The following TTLL9 variants were observed in gnomAD, a reference collection of about 807,000 sequenced individuals.
TTLL9 encodes the protein probable tubulin polyglutamylase TTLL9.
Under a neutral mutation model 65.6 loss-of-function variants are expected in TTLL9, and 47 were observed. The observed-to-expected ratio is 0.72, with a 90% confidence interval of 0.57 to 0.91. The LOEUF is 0.91. Among genes scored for constraint, TTLL9 ranks in the 40% least tolerant of loss-of-function variants. The pLI is 0.00. For synonymous variants in TTLL9, 179 were observed against 204.8 expected, an observed-to-expected ratio of 0.87 and a Z score of 1.07; for missense variants, 537 against 568.8, an observed-to-expected ratio of 0.94 and a Z score of 0.57.
At chr20:31,903,558 G>T (rs1057208241) in intron 4 of TTLL9, among the ~76,000 whole-genome samples, 2 of 152,024 alleles carry the variant, frequency 1.3e-5, no homozygotes, top group African/African-American at 4.8e-5. Context: ...CTAATCCAAG[G>T]TCACAAAGAT....
chr20:31,930,355 G>A (rs1362617546), intron 10 of TTLL9, among the ~76,000 whole-genome samples: 3 of 152,128 alleles, frequency 2.0e-5, no homozygotes, highest in Non-Finnish European at 4.4e-5. Flanking sequence ...GACTTGATGA[G>A]GGAGCAGAAT....
chr20:31,919,812 C>T (rs1462900785), intron 6 of TTLL9, 52 bp from the exon 7 acceptor site: 4 of 1,465,988 alleles, frequency 2.7e-6, no homozygotes, highest in African/African-American at 2.9e-5. Context: ...CGGGGGCCAA[C>T]AAGGAACCAC....
chr20:31,870,680 C>T lies in TTLL9; in HGVS notation c.-275C>T. 9.6e-7 allele frequency: 1 copy of T among 1,038,224 alleles called. No individual in the cohort carries two copies. 64.3% of individuals were successfully genotyped at this position (1,038,224 alleles called of 1,614,324 possible). A position where few individuals can be genotyped will look rare whatever the true frequency, so the allele number is the denominator to read the frequency against. On this transcript the variant is annotated 5_prime_UTR_variant, in exon 1 of 15. Transcript: ENST00000535842. This position sits in a 1 kb window ranked among gnomAD's most constrained non-coding sequence, Gnocchi z 6.6. The stretch of plus-strand genomic sequence containing the variant: ...GCGGGACAACGGCAGTTTGTTGGGG[C>T]CGCGTGGGGCCGCCACCTCCGGAGG...
At chr20:31,933,932 C>T in intron 11 of TTLL9, 74 bp downstream of exon 11, 1 of 1,469,080 alleles carries the variant, frequency 6.8e-7, no homozygotes, top group Non-Finnish European at 9.2e-7. Flanking sequence ...GGTGGAGTGG[C>T]AAGGAGCCCA....
intron 2 of TTLL9, among the ~76,000 whole-genome samples, chr20:31,886,601 C>T (rs1313044447): frequency 1.4e-4 from 21 of 152,104 alleles, no homozygotes; most frequent in Admixed American, 1.4e-3. Flanking sequence ...GGGTGGATCA[C>T]CTGAGGTCAG....
chr20:31,926,806 A>C (rs1192039148), intron 10 of TTLL9, among the ~76,000 whole-genome samples: 1 of 152,196 alleles, frequency 6.6e-6, no homozygotes, highest in Non-Finnish European at 1.5e-5. Flanking sequence ...GTTCTCGTTC[A>C]TGTTAAAAAT....
At chr20:31,913,356 G>A (rs113004602) in intron 6 of TTLL9, among the ~76,000 whole-genome samples, 2 of 152,042 alleles carry the variant, frequency 1.3e-5, no homozygotes, top group Non-Finnish European at 2.9e-5. Context: ...TATTAGTTCC[G>A]GGACCTTATT....
In TTLL9 at chr20:31,893,764, T is replaced by C. The variant is rs148393699; in HGVS notation, c.114-4709T>C. 2.3e-3 allele frequency among the ~76,000 whole-genome samples: 351 copies of C among 152,196 alleles called. 2 individuals carry two copies. Among genetic ancestry groups the C allele is most frequent in the Non-Finnish European group, 4.0e-3 (273 of 68,010 alleles). On this transcript the variant is annotated intron_variant, in intron 3 of 14. Coordinates refer to ENST00000535842, the MANE Select transcript of TTLL9 (RefSeq NM_001008409.5). ...TTGTGTCTGTCTTGCTTGGGGTTAA[T>C]TGAGCATCTTGGATCTGTGAGTTGA...
At chr20:31,904,696 A>G (rs2063526373) in intron 4 of TTLL9, among the ~76,000 whole-genome samples, 1 of 152,088 alleles carries the variant, frequency 6.6e-6, no homozygotes, top group Admixed American at 6.5e-5. Context: ...TATTATTACA[A>G]TAATTGCAAA....
chr20:31,907,721 G>A (rs1391178500), intron 4 of TTLL9, among the ~76,000 whole-genome samples: 25 of 143,538 alleles, frequency 1.7e-4, no homozygotes, highest in African/African-American at 2.3e-4. Context: ...ACACCGTCTC[G>A]AAAAAAGAAA....
At chr20:31,925,108 G>A in intron 9 of TTLL9, 59 bp downstream of exon 9, 1 of 1,581,698 alleles carries the variant, frequency 6.3e-7, no homozygotes, top group Non-Finnish European at 8.7e-7. Context: ...CTGGGCTAGG[G>A]AGATGGGGGG....
At chr20:31,923,484 G>A (rs1249354567) in intron 8 of TTLL9, among the ~76,000 whole-genome samples, 3 of 152,198 alleles carry the variant, frequency 2.0e-5, no homozygotes, top group Non-Finnish European at 4.4e-5. Context: ...GTCAAGCAGG[G>A]CAATGGGACA....
At chr20:31,924,249 C>T (rs917918417) in intron 8 of TTLL9, among the ~76,000 whole-genome samples, 5 of 152,168 alleles carry the variant, frequency 3.3e-5, no homozygotes, top group Admixed American at 1.3e-4. Flanking sequence ...TCCACCCCAA[C>T]GTGGCAGCCA....
chr20:31,885,261 G>T (rs1013902021), intron 2 of TTLL9, among the ~76,000 whole-genome samples: 6 of 152,100 alleles, frequency 3.9e-5, no homozygotes, highest in African/African-American at 1.4e-4. Flanking sequence ...CTTGAAATCA[G>T]AATTTACTCT....
At chr20:31,904,327 GGTTC>G (rs904542467) in intron 4 of TTLL9, among the ~76,000 whole-genome samples, 3 of 148,662 alleles carry the variant, frequency 2.0e-5, no homozygotes, top group Admixed American at 2.0e-4. Context: ...TTCACACAAT[GGTTC>G]TAGCATTTTT....
chr20:31,935,918 C>T (rs750110620), intron 12 of TTLL9, among the ~76,000 whole-genome samples: 13 of 152,206 alleles, frequency 8.5e-5, no homozygotes, highest in Admixed American at 5.2e-4. Context: ...TGTGCCCCTC[C>T]GTATGGGCAA....
Position 31,932,087 on chromosome 20 carries a change from C to T in TTLL9, c.749-1713C>T, listed in dbSNP as rs1384859342. ...GGTGCAGTGGCTTATGCCTGTAATC[C>T]CAGCACTTTGGCAGGCCAAGGCAGG... On this transcript the variant is annotated intron_variant, in intron 10 of 14. Transcript: ENST00000535842. 2.0e-5 allele frequency among the ~76,000 whole-genome samples: 3 copies of T among 152,146 alleles called. No individual in the cohort carries two copies. In the South Asian group the frequency reaches 6.2e-4, roughly 31 times the overall value.
Position 31,934,893 on chromosome 20 carries a change from G to A in TTLL9, c.1004+5G>A. ...CATCGACCAGGACCTCAAGCCGTAA[G>A]TGGGTGGGTGGGAGAGCCAGGAGGT... On this transcript the variant is annotated splice_donor_5th_base_variant and intron_variant, in intron 12 of 14. Transcript: ENST00000535842. The A allele has an allele frequency of 1.2e-6, 2 of 1,606,196 alleles. No individual in the cohort carries two copies. Among genetic ancestry groups the A allele is most frequent in the South Asian group, 1.1e-5 (1 of 90,080 alleles).
At chr20:31,895,686 G>A (rs2063373956) in intron 3 of TTLL9, among the ~76,000 whole-genome samples, 1 of 151,900 alleles carries the variant, frequency 6.6e-6, no homozygotes, top group Non-Finnish European at 1.5e-5. Context: ...ACAGGCACAT[G>A]CCACCATGCC....
Sources: allele counts gnomAD v4.1 joint callset (sites outside exome capture counted in the v4.1 genomes callset), GRCh38; gene constraint gnomAD v4.1.1; non-coding constraint Gnocchi (gnomAD v3.1); transcripts MANE v1.5; gene names NCBI Gene and HGNC (gene_info 2026-07-23, HGNC 2026-07-21).